EXD1: variants seen among roughly 807,000 people sequenced by gnomAD.
EXD1 encodes exonuclease 3'-5' domain containing 1, also known as piRNA biogenesis protein EXD1.
Under a neutral mutation model 49.1 loss-of-function variants are expected in EXD1, and 63 were observed. That is an observed-to-expected ratio of 1.28 (90% CI 1.05 to 1.58). The LOEUF (loss-of-function observed/expected upper bound fraction) is 1.58, where lower values mean the gene tolerates loss of function less well. EXD1 is among the 40% of genes most tolerant of loss of function. EXD1 has a pLI of 0.00. For synonymous variants in EXD1, 234 were observed against 239.2 expected, an observed-to-expected ratio of 0.98 and a Z score of 0.20; for missense variants, 748 against 666.0, an observed-to-expected ratio of 1.12 and a Z score of -1.36.
At chr15:41,198,731 G>A (rs1269732842) in intron 7 of EXD1, among the ~76,000 whole-genome samples, 2 of 151,102 alleles carry the variant, frequency 1.3e-5, no homozygotes, top group Non-Finnish European at 2.9e-5. Context: ...TTAAGACAGA[G>A]TTTCGTTCTT....
At chr15:41,216,949 A>G in intron 4 of EXD1, 148 bp downstream of exon 4, 2 of 1,316,854 alleles carry the variant, frequency 1.5e-6, no homozygotes, top group Non-Finnish European at 2.1e-6. Flanking sequence ...GGCGCTATCT[A>G]ACAATGGAAG....
intron 6 of EXD1, among the ~76,000 whole-genome samples, chr15:41,213,020 G>A (rs1176119569): frequency 6.7e-6 from 1 of 149,494 alleles, no homozygotes; most frequent in African/African-American, 2.6e-5. Flanking sequence ...CAACCTGGGT[G>A]ACAGAGCAAG....
Position 41,230,493 on chromosome 15 carries a change from T to A in EXD1, c.-68A>T, listed in dbSNP as rs544135807. The A allele has an allele frequency of 7.5e-5, 121 of 1,614,052 alleles. 1 individual carries two copies. In the South Asian group the frequency reaches 1.2e-3, roughly 16 times the overall value. ...AAATGGCGGACCATAAGCTAGGAAT[T>A]CACTGTCCTCCATCGTTAGGGCTTT... On this transcript the variant is annotated 5_prime_UTR_variant, in exon 1 of 12. Coordinates refer to ENST00000458580, the MANE Select transcript of EXD1 (RefSeq NM_001286441.2).
intron 9 of EXD1, chr15:41,192,354 T>C (rs1243166956): frequency 6.6e-6 from 1 of 152,232 alleles, no homozygotes. Flanking sequence ...TGGAGTGCAA[T>C]GGTGTGATCT....
At chr15:41,229,339 G>T (rs1010000973) in intron 1 of EXD1, among the ~76,000 whole-genome samples, 4 of 151,974 alleles carry the variant, frequency 2.6e-5, no homozygotes, top group Admixed American at 6.6e-5. Context: ...TTAGCTGGGC[G>T]TGGTGGCACG....
intron 7 of EXD1, among the ~76,000 whole-genome samples, chr15:41,198,891 G>C (rs777123340): frequency 2.6e-5 from 4 of 151,418 alleles, no homozygotes; most frequent in Non-Finnish European, 5.9e-5. Context: ...ATTTTTAGTA[G>C]GGACTAGGTT....
intron 7 of EXD1, among the ~76,000 whole-genome samples, chr15:41,202,162 A>ATT (rs1352354068): frequency 1.4e-5 from 2 of 147,342 alleles, no homozygotes; most frequent in East Asian, 4.7e-4. Flanking sequence ...ATATATATAT[A>ATT]TATATTTTTT....
chr15:41,199,908 A>G (rs1325939506), intron 7 of EXD1, among the ~76,000 whole-genome samples: 2 of 145,626 alleles, frequency 1.4e-5, no homozygotes, highest in Non-Finnish European at 3.0e-5. Flanking sequence ...ATATATATAC[A>G]GATATATTTT....
chr15:41,225,244 C>T (rs570054706), intron 2 of EXD1, among the ~76,000 whole-genome samples: 1 of 152,262 alleles, frequency 6.6e-6, no homozygotes, highest in South Asian at 2.1e-4. Flanking sequence ...AAGTCAAAAA[C>T]AATTCTAACT....
Position 41,209,607 on chromosome 15 carries a change from A to G in EXD1, c.448-20T>C. 6.2e-7 allele frequency: 1 copy of G among 1,607,262 alleles called. No individual in the cohort carries two copies. ...GAGTATCTGGTAAGAAAAAGAAGGA[A>G]AGGAAAAACTTTCAGGGAATAAATG... On this transcript the variant is annotated intron_variant, in intron 6 of 11. Transcript: ENST00000458580.
chr15:41,214,025 G>C (rs543585092), intron 6 of EXD1, among the ~76,000 whole-genome samples: 1 of 152,158 alleles, frequency 6.6e-6, no homozygotes, highest in East Asian at 1.9e-4. Flanking sequence ...AAATTAGCCG[G>C]GTGCAGTGGC....
Position 41,217,223 on chromosome 15 carries a change from C to A in EXD1, c.203-69G>T, listed in dbSNP as rs2047013845. 3.1e-6 allele frequency: 4 copies of A among 1,299,944 alleles called. No individual in the cohort carries two copies. In the East Asian group the frequency reaches 9.3e-5, roughly 30 times the overall value. The allele number at this position is 1,299,944 out of a possible 1,614,324, so 80.5% of individuals were successfully genotyped here. A position where few individuals can be genotyped will look rare whatever the true frequency, so the allele number is the denominator to read the frequency against. On this transcript the variant is annotated intron_variant, in intron 3 of 11. Transcript: ENST00000458580. ...AATCAATTAACTACTCCACTACCCA[C>A]ACACCCCTAGTTTAACCATGTACTG...
At chr15:41,209,811 C>A (rs2046894169) in intron 6 of EXD1, among the ~76,000 whole-genome samples, 1 of 151,950 alleles carries the variant, frequency 6.6e-6, no homozygotes, top group African/African-American at 2.4e-5. Flanking sequence ...TGTTCCACAG[C>A]TGGAAAATAA....
chr15:41,221,257 G>A (rs1321965956), intron 2 of EXD1, among the ~76,000 whole-genome samples: 1 of 152,108 alleles, frequency 6.6e-6, no homozygotes, highest in Non-Finnish European at 1.5e-5. Flanking sequence ...TCAGGCCTCA[G>A]TGATTTTAAT....
At chr15:41,215,896 T>C in intron 5 of EXD1, 63 bp from the exon 6 acceptor site, 1 of 1,574,994 alleles carries the variant, frequency 6.3e-7, no homozygotes, top group African/African-American at 1.4e-5. Flanking sequence ...GCTTTCTCAA[T>C]AATTTTGGCC....
intron 2 of EXD1, among the ~76,000 whole-genome samples, chr15:41,223,087 C>G (rs1188150779): frequency 3.3e-5 from 5 of 151,708 alleles, no homozygotes; most frequent in Non-Finnish European, 4.4e-5. Context: ...ATAGCTGAGA[C>G]TACAGGTGTG....
intron 2 of EXD1, among the ~76,000 whole-genome samples, chr15:41,225,798 G>C (rs1054110783): frequency 1.3e-5 from 2 of 151,818 alleles, no homozygotes; most frequent in African/African-American, 2.4e-5. Flanking sequence ...TGAGGCAGGA[G>C]AATCACTTGA....
intron 7 of EXD1, among the ~76,000 whole-genome samples, chr15:41,199,753 A>G (rs2046688481): frequency 5.2e-5 from 5 of 96,888 alleles, no homozygotes; most frequent in Non-Finnish European, 7.6e-5. Context: ...TATATTATAT[A>G]TGATACATAT....
chr15:41,197,783 C>T (rs1057446373), intron 7 of EXD1, among the ~76,000 whole-genome samples: 1 of 147,680 alleles, frequency 6.8e-6, no homozygotes, highest in Non-Finnish European at 1.5e-5. Flanking sequence ...GCCACCACAC[C>T]TGGCTAATTT....
Sources: gnomAD v4.1 joint callset for allele counts (sites outside exome capture counted in the v4.1 genomes callset) on GRCh38, gnomAD v4.1.1 for gene constraint, MANE v1.5 for transcripts, NCBI Gene and HGNC (gene_info 2026-07-23, HGNC 2026-07-21) for gene names.